Variants in SETDB1 observed in about 807,000 individuals in gnomAD.
SETDB1 encodes SET domain bifurcated histone lysine methyltransferase 1, also known as histone-lysine N-methyltransferase SETDB1.
Under a neutral mutation model 137.4 loss-of-function variants are expected in SETDB1, and 31 were observed. The observed-to-expected ratio is 0.23, with a 90% confidence interval of 0.17 to 0.30. The LOEUF (loss-of-function observed/expected upper bound fraction) is 0.30. Among genes scored for constraint, SETDB1 ranks in the 10% least tolerant of loss-of-function variants. The probability of loss-of-function intolerance (pLI) is 1.00; values close to 1 mark genes in which losing one functional copy is unlikely to be tolerated. For missense variants in SETDB1, 1,113 were observed against 1,631.5 expected, an observed-to-expected ratio of 0.68 and a Z score of 5.47; for synonymous variants, 548 against 579.9, an observed-to-expected ratio of 0.95 and a Z score of 0.79.
chr1:150,940,056 T>G lies in SETDB1; in HGVS notation c.447+82T>G, dbSNP rs779364053. On this transcript the variant is annotated intron_variant, in intron 4 of 21. Coordinates refer to ENST00000692827, the MANE Select transcript of SETDB1 (RefSeq NM_001366418.1). ...TTTTGGCCTAACCATTTAATCAGTT[T>G]AGCTGTCAGTATCTAATCATTCACC... 3 of 942,376 alleles carry G rather than the reference T, an allele frequency of 3.2e-6. No individual in the cohort carries two copies. The African/African-American group carries it at 4.8e-5, about 15-fold the overall frequency. 58.4% of individuals were successfully genotyped at this position (942,376 alleles called of 1,614,324 possible).
rs769329914 is a variant in SETDB1 at position 150,927,732 on chromosome 1, G to A, written c.18G>A (p.Gly6=). The A allele has an allele frequency of 1.2e-6, 2 of 1,614,018 alleles. No homozygotes were observed. The highest frequency in any genetic ancestry group is 1.7e-6 in the Non-Finnish European group (2 of 1,179,944). ...ACAAAAGCATGTCTTCCCTTCCTGG[G>A]TGCATTGGTTTGGATGCAGCAACAG... The part of the protein sequence containing the change: MSSLP[G]CIGLDAATAT... Residue 6 remains glycine (G), a synonymous_variant, in exon 2 of 22, where the codon GGG becomes GGA. Transcript: ENST00000692827.
chr1:150,927,421 A>G (rs1333006933), intron 1 of SETDB1, among the ~76,000 whole-genome samples: 1 of 152,190 alleles, frequency 6.6e-6, no homozygotes, highest in Non-Finnish European at 1.5e-5. Context: ...CCACTGTGCC[A>G]GCCCAAAACA....
chr1:150,949,007 C>G, intron 10 of SETDB1, 115 bp from the exon 11 acceptor site: 2 of 1,090,622 alleles, frequency 1.8e-6, no homozygotes, highest in Non-Finnish European at 2.7e-6. Context: ...GCAAGAGCCA[C>G]TGCGCCCAGC....
intron 10 of SETDB1, among the ~76,000 whole-genome samples, chr1:150,947,717 A>G (rs1670371511): frequency 6.6e-6 from 1 of 152,092 alleles, no homozygotes; most frequent in East Asian, 1.9e-4. Flanking sequence ...TCGAGGTTGC[A>G]GTGAGCTAGA....
intron 5 of SETDB1, among the ~76,000 whole-genome samples, chr1:150,941,665 T>C (rs1030392016): frequency 1.3e-5 from 2 of 152,082 alleles, no homozygotes; most frequent in African/African-American, 4.8e-5. Flanking sequence ...AGGTGGAGAT[T>C]AGGGAGAAGA....
At chr1:150,927,131 A>T (rs1347508388) in intron 1 of SETDB1, among the ~76,000 whole-genome samples, 4 of 152,198 alleles carry the variant, frequency 2.6e-5, no homozygotes, top group Non-Finnish European at 5.9e-5. Context: ...TTATTTTTAA[A>T]GTTCGGTTTG....
chr1:150,942,501 C>A (rs1024123127), intron 5 of SETDB1, 62 bp from the exon 6 acceptor site: 62 of 1,464,110 alleles, frequency 4.2e-5, no homozygotes, highest in Middle Eastern at 3.6e-4. Flanking sequence ...ACCCTCTTTA[C>A]CTTCCCGTTC....
At chr1:150,941,031 C>T (rs1474414625) in intron 4 of SETDB1, among the ~76,000 whole-genome samples, 2 of 151,044 alleles carry the variant, frequency 1.3e-5, no homozygotes, top group African/African-American at 2.4e-5. Flanking sequence ...GGCATGGTGG[C>T]GCATGCTTGT....
chr1:150,956,019 G>C (rs1670626118), intron 14 of SETDB1, among the ~76,000 whole-genome samples: 1 of 151,198 alleles, frequency 6.6e-6, no homozygotes, highest in Non-Finnish European at 1.5e-5. Context: ...TTGAACCCAG[G>C]AGGCAGAGGT....
intron 3 of SETDB1, among the ~76,000 whole-genome samples, chr1:150,936,719 T>G (rs1669955752): frequency 6.6e-6 from 1 of 152,114 alleles, no homozygotes; most frequent in African/African-American, 2.4e-5. Flanking sequence ...AGTATCTCAC[T>G]CTGTAACCCA....
At chr1:150,928,082 G>C (rs777441591) in intron 2 of SETDB1, 108 bp downstream of exon 2, 1 of 1,323,970 alleles carries the variant, frequency 7.6e-7, no homozygotes, top group Non-Finnish European at 1.0e-6. Flanking sequence ...TTTTGAGACG[G>C]AGTCTCGCTC....
At chr1:150,932,526 C>T (rs1410607352) in intron 3 of SETDB1, among the ~76,000 whole-genome samples, 1 of 151,980 alleles carries the variant, frequency 6.6e-6, no homozygotes, top group African/African-American at 2.4e-5. Context: ...AATAGAGTTC[C>T]TATATATCCC....
Position 150,963,202 on chromosome 1 carries a change from T to C in SETDB1, c.3460+63T>C, listed in dbSNP as rs191793980. ...AGTAAGAAACTTGGGATAGAGCATT[T>C]TTTAAGGAAGCTAAAGAAGTAGTGG... On this transcript the variant is annotated intron_variant, in intron 19 of 21. Coordinates refer to ENST00000692827, the MANE Select transcript of SETDB1 (RefSeq NM_001366418.1). 4.7e-5 allele frequency: 69 copies of C among 1,482,130 alleles called. No individual in the cohort carries two copies. The African/African-American group carries it at 8.2e-4, about 18-fold the overall frequency. The allele number at this position is 1,482,130 out of a possible 1,614,324, so 91.8% of individuals were successfully genotyped here.
At chr1:150,937,169 G>A (rs1439074000) in intron 3 of SETDB1, among the ~76,000 whole-genome samples, 2 of 149,906 alleles carry the variant, frequency 1.3e-5, no homozygotes, top group Non-Finnish European at 1.5e-5. Flanking sequence ...CCACCCAAGG[G>A]ATTATTACAC....
Position 150,927,923 on chromosome 1 carries a change from A to G in SETDB1, c.209A>G (p.Gln70Arg). ...GCAGAGTTAGAGACATGGGTAATAC[A>G]GAAAGAATCTGAGGTGGCTCACGTT... The part of the protein sequence containing the change: ...QLAELETWVI[Q>R]KESEVAHVDQ... The change falls in exon 2 of 22, where the codon CAG (glutamine) becomes CGG (arginine). Residue 70 changes from glutamine (Q) to arginine (R), a missense_variant. Physicochemically the swap from Gln to Arg is conservative, Grantham distance 43 (BLOSUM62 1). Coordinates refer to ENST00000692827, the MANE Select transcript of SETDB1 (RefSeq NM_001366418.1). 5.6e-6 allele frequency: 9 copies of G among 1,614,256 alleles called. No homozygotes were observed. Among genetic ancestry groups the G allele is most frequent in the Non-Finnish European group, 7.6e-6 (9 of 1,180,038 alleles).
At chr1:150,939,827 G>C (rs1459973331) in intron 3 of SETDB1, 113 bp from the exon 4 acceptor site, 5 of 704,864 alleles carry the variant, frequency 7.1e-6, no homozygotes, top group Non-Finnish European at 1.2e-5. Context: ...ATTATTTTCA[G>C]TTATTGTTGA....
intron 14 of SETDB1, among the ~76,000 whole-genome samples, chr1:150,958,199 G>GA (rs974548872): frequency 1.9e-4 from 28 of 145,476 alleles, no homozygotes; most frequent in African/African-American, 6.0e-4. Context: ...AAAAAAAAAA[G>GA]AGCTCCCTGA....
intron 10 of SETDB1, among the ~76,000 whole-genome samples, chr1:150,947,366 C>T (rs6694978): frequency 0.065 from 9,760 of 150,224 alleles, 384 homozygotes; most frequent in Non-Finnish European, 0.093. Flanking sequence ...GATATGTTAC[C>T]CAGGCTGGTC....
chr1:150,957,984 C>T (rs901729367), intron 14 of SETDB1, among the ~76,000 whole-genome samples: 1 of 152,054 alleles, frequency 6.6e-6, no homozygotes, highest in Non-Finnish European at 1.5e-5. Context: ...GTCGGGAATT[C>T]GAGACCAGCC....
Sources: gnomAD v4.1 joint callset for allele counts (sites outside exome capture counted in the v4.1 genomes callset) on GRCh38, gnomAD v4.1.1 for gene constraint, MANE v1.5 for transcripts, NCBI Gene and HGNC (gene_info 2026-07-23, HGNC 2026-07-21) for gene names.